Variants in EHMT1 observed in about 807,000 individuals in gnomAD.
EHMT1 encodes euchromatic histone lysine methyltransferase 1, also known as histone-lysine N-methyltransferase EHMT1.
A neutral mutation model predicts 147.2 loss-of-function variants in EHMT1; 15 were observed. The ratio of observed to expected loss-of-function variants is 0.10; its 90% CI spans 0.07 to 0.16. The LOEUF is 0.16. Ranked by LOEUF, EHMT1 falls within the 10% of genes least tolerant of loss-of-function variation. The pLI, the probability that EHMT1 is intolerant of heterozygous loss-of-function variation, is 1.00. For missense variants in EHMT1, 1,587 were observed against 1,772.4 expected, an observed-to-expected ratio of 0.90 and a Z score of 1.88; for synonymous variants, 795 against 709.6, an observed-to-expected ratio of 1.12 and a Z score of -1.91.
At chr9:137,745,832 C>T in intron 6 of EHMT1, 3 of 303,266 alleles carry the variant, frequency 9.9e-6, no homozygotes, top group Non-Finnish European at 1.2e-5. Flanking sequence ...TGTATCCTTC[C>T]ACCTGCAGAG....
intron 22 of EHMT1, 90 bp downstream of exon 22, chr9:137,814,598 C>T (rs948618005): frequency 1.4e-6 from 2 of 1,466,066 alleles, no homozygotes; most frequent in Non-Finnish European, 1.9e-6. Flanking sequence ...GACCCCAGCG[C>T]TGTCGTGGCA....
intron 23 of EHMT1, 140 bp from the exon 24 acceptor site, chr9:137,817,299 G>A: frequency 1.1e-6 from 1 of 911,774 alleles, no homozygotes; most frequent in South Asian, 1.4e-5. Context: ...TCTGTGAGGT[G>A]CCTGCAGCAT....
intron 1 of EHMT1, among the ~76,000 whole-genome samples, chr9:137,620,818 C>T (rs1842908010): frequency 6.6e-6 from 1 of 152,196 alleles, no homozygotes; most frequent in Non-Finnish European, 1.5e-5. Context: ...CAAATGGCTC[C>T]AGATGTCTCT....
chr9:137,700,327 A>G (rs1943731288), intron 1 of EHMT1, among the ~76,000 whole-genome samples: 1 of 152,122 alleles, frequency 6.6e-6, no homozygotes, highest in Non-Finnish European at 1.5e-5. Flanking sequence ...TCTGAGTTCT[A>G]CTTCACTATC....
intron 2 of EHMT1, among the ~76,000 whole-genome samples, chr9:137,712,300 C>T (rs1944812933): frequency 6.6e-6 from 1 of 152,198 alleles, no homozygotes; most frequent in African/African-American, 2.4e-5. Context: ...TTCCATTACG[C>T]TTTAGGCTTT....
chr9:137,665,714 A>G (rs1335643129), intron 1 of EHMT1, among the ~76,000 whole-genome samples: 1 of 152,186 alleles, frequency 6.6e-6, no homozygotes, highest in Non-Finnish European at 1.5e-5. Context: ...GTTTCTGTGG[A>G]GGGACCCTTC....
intron 1 of EHMT1, among the ~76,000 whole-genome samples, chr9:137,626,879 A>G (rs186299623): frequency 2.7e-5 from 4 of 150,266 alleles, no homozygotes; most frequent in Non-Finnish European, 5.9e-5. Context: ...TCTGCATCCT[A>G]GGTTCGAGCA....
intron 1 of EHMT1, among the ~76,000 whole-genome samples, chr9:137,641,930 C>T (rs922127646): frequency 6.6e-6 from 1 of 152,094 alleles, no homozygotes; most frequent in East Asian, 1.9e-4. Flanking sequence ...CCCTCCAACT[C>T]CATGGTTCAA....
At chr9:137,817,904 C>A (rs542513676) in intron 24 of EHMT1, 156 bp from the exon 25 acceptor site, 3 of 749,398 alleles carry the variant, frequency 4.0e-6, no homozygotes, top group Non-Finnish European at 7.0e-6. Flanking sequence ...AGCTGAAACC[C>A]CAGTTCAACC....
chr9:137,784,487 G>A (rs1325643493), intron 15 of EHMT1: 2 of 1,001,794 alleles, frequency 2.0e-6, no homozygotes, highest in African/African-American at 3.4e-5. Context: ...CTCTCTGGAA[G>A]TTACAGACTT....
chr9:137,637,995 T>A (rs1314794522), intron 1 of EHMT1: 1 of 152,178 alleles, frequency 6.6e-6, no homozygotes, highest in Non-Finnish European at 1.5e-5. Context: ...TTTATTTCTG[T>A]CAGGGCTTGT....
At chr9:137,817,898 GA>G in intron 24 of EHMT1, 161 bp from the exon 25 acceptor site, 1 of 729,260 alleles carries the variant, frequency 1.4e-6, no homozygotes, top group Admixed American at 2.1e-5. Flanking sequence ...ACCCTCAGCT[GA>G]AACCCCAGTT....
At chr9:137,684,660 T>G (rs978474790) in intron 1 of EHMT1, among the ~76,000 whole-genome samples, 1 of 151,990 alleles carries the variant, frequency 6.6e-6, no homozygotes, top group African/African-American at 2.4e-5. Flanking sequence ...CCCGGCTAAT[T>G]TTTTCAATTT....
At position 137,664,622 on chromosome 9, in the gene EHMT1, G is replaced by A. The variant is rs1297552034; in HGVS notation, c.21+45573G>A. Reference sequence around the variant, plus strand: ...GCCAGTTCAATAAGTGGAAAATGGCGTCTTTGTTGCTTTAAATGTATTTTC... The same window carrying A: ...GCCAGTTCAATAAGTGGAAAATGGCATCTTTGTTGCTTTAAATGTATTTTC... On this transcript the variant is annotated intron_variant, in intron 1 of 26. Transcript: ENST00000460843. Among the ~76,000 whole-genome samples, 9 of 151,810 alleles carry A rather than the reference G, an allele frequency of 5.9e-5. No individual in the cohort carries two copies. In the East Asian group the frequency reaches 7.7e-4, roughly 13 times the overall value.
rs763379848 is a variant in EHMT1 at position 137,811,472 on chromosome 9, T to A, written c.2724T>A (p.Ile908=). The A allele has an allele frequency of 3.7e-6, 6 of 1,612,484 alleles. No individual in the cohort carries two copies. In the Admixed American group the frequency reaches 8.3e-5, roughly 22 times the overall value. The change falls in exon 19 of 27, where the codon ATT becomes ATA. Residue 908 remains isoleucine, a synonymous_variant. Coordinates refer to ENST00000460843, the MANE Select transcript of EHMT1 (RefSeq NM_024757.5). ...DINIRDNEEN[I]CLHWAAFSGC... is the part of the protein sequence containing the mutation. Reference sequence around the variant, plus strand: ...TTGTGTCTGTTCAGGAGGAGAACATTTGCCTGCACTGGGCGGCGTTCTCCG... The same window carrying A: ...TTGTGTCTGTTCAGGAGGAGAACATATGCCTGCACTGGGCGGCGTTCTCCG...
chr9:137,776,838 C>T lies in EHMT1; in HGVS notation c.2012C>T (p.Thr671Met), dbSNP rs763436491. 13 of 1,613,758 alleles carry T rather than the reference C, an allele frequency of 8.1e-6. No individual in the cohort carries two copies. Among genetic ancestry groups the T allele is most frequent in the East Asian group, 2.2e-5 (1 of 44,862 alleles). ...CTGGAGGGCAGGGCCGACACCACAACGGGCAGGTACCTGGCACAGGCTCTG... is the reference window on the plus strand; with the variant it reads ...CTGGAGGGCAGGGCCGACACCACAATGGGCAGGTACCTGGCACAGGCTCTG... ...SALEGRADTT[T>M]GSAAGPPLSE... The change falls in exon 12 of 27, where the codon ACG becomes ATG. Residue 671 changes from threonine to methionine, a missense_variant. Physicochemically the swap from Thr to Met is moderately conservative, Grantham distance 81. Transcript: ENST00000460843. This position sits in a 1 kb window ranked among gnomAD's most constrained non-coding sequence, Gnocchi z 4.4.
chr9:137,780,431 A>G (rs1220963799), intron 14 of EHMT1, among the ~76,000 whole-genome samples: 129 of 104,056 alleles, frequency 1.2e-3, no homozygotes, highest in African/African-American at 5.0e-3. Context: ...GATGACGCTG[A>G]GATGTGTGGT....
rs747062008 is a variant in EHMT1, at chr9:137,776,788, C to G, written c.1962C>G (p.Val654=). ...KADTTSTVTP[V]PGQEKGSALE... ...ACACCACCTCGACCGTGACACCAGT[C>G]CCCGGGCAGGAGAAGGGCTCGGCCC... Residue 654 remains valine, a synonymous_variant, in exon 12 of 27, where the codon GTC becomes GTG. Transcript: ENST00000460843. The surrounding 1 kb of genome is among the most constrained non-coding windows in gnomAD (Gnocchi z 4.4). 3 of 1,613,930 alleles carry G rather than the reference C, an allele frequency of 1.9e-6. No individual in the cohort carries two copies. Among genetic ancestry groups the G allele is most frequent in the Non-Finnish European group, 2.5e-6 (3 of 1,180,034 alleles).
chr9:137,631,650 A>C (rs558002405), intron 1 of EHMT1, among the ~76,000 whole-genome samples: 1 of 152,082 alleles, frequency 6.6e-6, no homozygotes, highest in Admixed American at 6.5e-5. Flanking sequence ...CTGAGGCAGG[A>C]GGATCACTTG....
Sources: allele counts gnomAD v4.1 joint callset (sites outside exome capture counted in the v4.1 genomes callset), GRCh38; gene constraint gnomAD v4.1.1; non-coding constraint Gnocchi (gnomAD v3.1); transcripts MANE v1.5; gene names NCBI Gene and HGNC (gene_info 2026-07-23, HGNC 2026-07-21).